DYNC1I1: variants seen among roughly 807,000 people sequenced by gnomAD.
DYNC1I1 encodes the protein cytoplasmic dynein 1 intermediate chain 1.
DYNC1I1 carries 43 observed loss-of-function variants against 86.6 expected under a neutral mutation model. The observed-to-expected ratio is 0.50, with a 90% CI of 0.39 to 0.64. The LOEUF is 0.64. Ranked by LOEUF, DYNC1I1 falls within the 30% of genes least tolerant of loss-of-function variation. DYNC1I1 has a pLI of 0.00. For missense variants in DYNC1I1, 604 were observed against 788.8 expected (o/e 0.77, Z 2.81); for synonymous variants, 262 against 283.7 (o/e 0.92, Z 0.77).
chr7:95,794,644 G>A (rs1170084551), intron 1 of DYNC1I1, among the ~76,000 whole-genome samples: 1 of 151,664 alleles, frequency 6.6e-6, no homozygotes, highest in Non-Finnish European at 1.5e-5. Flanking sequence ...CCTCTGTACT[G>A]AGGGCTCGAG....
At chr7:96,057,928 G>A (rs1235599578) in intron 14 of DYNC1I1, among the ~76,000 whole-genome samples, 2 of 152,132 alleles carry the variant, frequency 1.3e-5, no homozygotes, top group Non-Finnish European at 2.9e-5. Context: ...ACACCCTAGT[G>A]ACTGAAACAC....
At chr7:95,811,660 G>C (rs1794833058) in intron 3 of DYNC1I1, among the ~76,000 whole-genome samples, 1 of 152,034 alleles carries the variant, frequency 6.6e-6, no homozygotes, top group Non-Finnish European at 1.5e-5. Flanking sequence ...GTTCAACAAT[G>C]CTATAATAAG....
At chr7:95,958,262 A>C (rs1792771607) in intron 6 of DYNC1I1, among the ~76,000 whole-genome samples, 1 of 152,204 alleles carries the variant, frequency 6.6e-6, no homozygotes, top group South Asian at 2.1e-4. Flanking sequence ...TGATTAAGAA[A>C]ATTATATGAT....
At chr7:95,937,765 C>T (rs917477204) in intron 6 of DYNC1I1, among the ~76,000 whole-genome samples, 16 of 151,964 alleles carry the variant, frequency 1.1e-4, no homozygotes, top group African/African-American at 3.4e-4. Context: ...TATACTTTAC[C>T]TTTTCCTATT....
At chr7:96,091,403 A>G (rs1790841970) in intron 16 of DYNC1I1, among the ~76,000 whole-genome samples, 2 of 152,192 alleles carry the variant, frequency 1.3e-5, no homozygotes, top group Non-Finnish European at 2.9e-5. Context: ...ACTTCATCTA[A>G]TTGAAAAATT....
chr7:95,837,028 G>A (rs1789114773), intron 5 of DYNC1I1, among the ~76,000 whole-genome samples: 1 of 152,048 alleles, frequency 6.6e-6, no homozygotes, highest in Admixed American at 6.5e-5. Flanking sequence ...CATTCCTTTG[G>A]AGGAGGAGAG....
rs529369830 is a variant in DYNC1I1, at chr7:96,104,804, TA to T, written c.1543-5173del. On this transcript the variant is annotated intron_variant, in intron 16 of 16. Coordinates refer to the DYNC1I1 transcript ENST00000537881. ...TATTAATTCTTGAAATCAAGTGGCG[TA>T]AGTACTCCAACTTTGTTACTCATTT... 2.0e-5 allele frequency among the ~76,000 whole-genome samples: 3 copies of T among 152,292 alleles called. No individual in the cohort carries two copies. The South Asian group carries it at 6.2e-4, about 32-fold the overall frequency.
chr7:96,082,452 C>T (rs779948927), intron 16 of DYNC1I1, among the ~76,000 whole-genome samples: 31 of 152,116 alleles, frequency 2.0e-4, no homozygotes, highest in Non-Finnish European at 4.0e-4. Flanking sequence ...TTTGCTCTAT[C>T]TCCTTTGCAT....
intron 14 of DYNC1I1, among the ~76,000 whole-genome samples, chr7:96,071,949 G>A (rs1226512792): frequency 6.6e-6 from 1 of 152,178 alleles, no homozygotes; most frequent in Non-Finnish European, 1.5e-5. Flanking sequence ...CCAGCAAATA[G>A]AGGATATGCT....
intron 14 of DYNC1I1, among the ~76,000 whole-genome samples, chr7:96,068,920 G>C (rs1472880100): frequency 6.6e-6 from 1 of 152,162 alleles, no homozygotes; most frequent in Non-Finnish European, 1.5e-5. Flanking sequence ...TTATCCACTA[G>C]TAAAATGTGG....
chr7:95,926,233 G>GCTCA (rs1254030657), intron 6 of DYNC1I1, among the ~76,000 whole-genome samples: 2 of 152,144 alleles, frequency 1.3e-5, no homozygotes, highest in African/African-American at 2.4e-5. Flanking sequence ...CTGTAAGAAT[G>GCTCA]CTCATTGCAG....
chr7:96,030,105 C>T (rs1355496441), intron 11 of DYNC1I1, among the ~76,000 whole-genome samples: 2 of 151,832 alleles, frequency 1.3e-5, no homozygotes, highest in Middle Eastern at 3.2e-3. Flanking sequence ...TATTGGCTGA[C>T]TGATTGGTAC....
downstream of DYNC1I1, among the ~76,000 whole-genome samples, chr7:96,100,550 A>G (rs547475397): frequency 2.4e-3 from 362 of 152,228 alleles, no homozygotes; most frequent in African/African-American, 8.4e-3. Flanking sequence ...ATGTACCATT[A>G]GGAGCCCGGG....
rs1018183671 is a variant in DYNC1I1, at chr7:95,890,051, C to T, written c.490+20053C>T. 5.3e-5 allele frequency among the ~76,000 whole-genome samples: 8 copies of T among 152,152 alleles called. No individual in the cohort carries two copies. The East Asian group carries it at 9.7e-4, about 18-fold the overall frequency. On this transcript the variant is annotated intron_variant, in intron 6 of 16. Transcript: ENST00000447467. ...AGCAGTGTGGCAATTCCTGAAATAGCGAAAAACAGAACTACCATTCAATCC... is the reference window on the plus strand; with the variant it reads ...AGCAGTGTGGCAATTCCTGAAATAGTGAAAAACAGAACTACCATTCAATCC...
Position 95,984,899 on chromosome 7 carries a change from G to A in DYNC1I1, c.665G>A (p.Arg222Gln), listed in dbSNP as rs573158000. The change falls in exon 8 of 17, where the codon CGG (arginine) becomes CAG (glutamine). Residue 222 changes from arginine (R) to glutamine (Q), a missense_variant. Physicochemically the swap from Arg to Gln is conservative, Grantham distance 43. Coordinates refer to ENST00000447467, the MANE Select transcript of DYNC1I1 (RefSeq NM_001135556.2). ...EFLIFFDRTIRVIERALAEDS... is the reference protein window; with the variant it reads ...EFLIFFDRTIQVIERALAEDS... ...CTCATCTTTTTTGACCGGACAATACGGGTAATTGAAAGAGCCCTGGCTGAA... is the reference window on the plus strand; with the variant it reads ...CTCATCTTTTTTGACCGGACAATACAGGTAATTGAAAGAGCCCTGGCTGAA... 11 of 1,613,550 alleles carry A rather than the reference G, an allele frequency of 6.8e-6. No individual in the cohort carries two copies. The highest frequency in any genetic ancestry group is 6.7e-5 in the African/African-American group (5 of 74,980).
chr7:95,960,314 A>C (rs1792832976), intron 6 of DYNC1I1, among the ~76,000 whole-genome samples: 1 of 151,894 alleles, frequency 6.6e-6, no homozygotes, highest in Non-Finnish European at 1.5e-5. Context: ...ATCTTGTTGG[A>C]TAGGCTGGTC....
chr7:96,026,171 A>C (rs937613841), intron 10 of DYNC1I1, among the ~76,000 whole-genome samples: 3 of 152,182 alleles, frequency 2.0e-5, no homozygotes, highest in African/African-American at 7.2e-5. Flanking sequence ...TATGAAAACC[A>C]GATTGGGGCA....
Position 95,964,063 on chromosome 7 carries a change from A to G in DYNC1I1, c.491-13449A>G, listed in dbSNP as rs142952738. On this transcript the variant is annotated intron_variant, in intron 6 of 16. Coordinates refer to ENST00000447467, the MANE Select transcript of DYNC1I1 (RefSeq NM_001135556.2). ...ACGTTGAAACCAGGGGAAATAATTT[A>G]GCCTCAAATAGAGTTGTTAATGCCA... Among the ~76,000 whole-genome samples the G allele has an allele frequency of 3.8e-4, 58 of 152,332 alleles. 1 individual carries two copies. In the East Asian group the frequency reaches 0.011, roughly 28 times the overall value.
chr7:96,073,768 A>G (rs1790241985), intron 14 of DYNC1I1, among the ~76,000 whole-genome samples: 1 of 152,210 alleles, frequency 6.6e-6, no homozygotes, highest in African/African-American at 2.4e-5. Context: ...CTATAAAATC[A>G]AGAATTTGCA....
Sources: gnomAD v4.1 joint callset for allele counts (sites outside exome capture counted in the v4.1 genomes callset) on GRCh38, gnomAD v4.1.1 for gene constraint, MANE v1.5 for transcripts, NCBI Gene and HGNC (gene_info 2026-07-23, HGNC 2026-07-21) for gene names.